KLHL1: variants seen among roughly 807,000 people sequenced by gnomAD.
The protein encoded by KLHL1 is kelch like family member 1.
KLHL1 carries 47 observed loss-of-function variants against 77.7 expected under a neutral mutation model. The observed-to-expected ratio is 0.60, with a 90% confidence interval of 0.48 to 0.77. KLHL1 has a LOEUF of 0.77. Among genes scored for constraint, KLHL1 ranks in the 30% least tolerant of loss-of-function variants. KLHL1 has a pLI of 0.00. For missense variants in KLHL1, 925 were observed against 910.8 expected (o/e 1.02, Z -0.20); for synonymous variants, 360 against 325.2 (o/e 1.11, Z -1.15).
At chr13:70,099,692 T>G (rs989371871) in intron 1 of KLHL1, among the ~76,000 whole-genome samples, 1 of 152,030 alleles carries the variant, frequency 6.6e-6, no homozygotes, top group Non-Finnish European at 1.5e-5. Flanking sequence ...AATAAGCTTT[T>G]TGTCCCATAA....
intron 8 of KLHL1, among the ~76,000 whole-genome samples, chr13:69,721,079 A>ATATATATATATATATATATATATAC (rs1555300737): frequency 8.9e-5 from 6 of 67,630 alleles, no homozygotes; most frequent in Admixed American, 3.3e-4. Context: ...ATATATATAT[A>ATATATATATATATATATATATATAC]AAGCTATGTA....
chr13:69,847,420 A>G (rs76512077), intron 5 of KLHL1, among the ~76,000 whole-genome samples: 2 of 149,400 alleles, frequency 1.3e-5, no homozygotes, highest in Admixed American at 6.8e-5. Flanking sequence ...AAAAAAAAAA[A>G]AAAAAAACAT....
At chr13:69,756,556 C>G (rs1325749180) in intron 7 of KLHL1, among the ~76,000 whole-genome samples, 1 of 152,000 alleles carries the variant, frequency 6.6e-6, no homozygotes, top group Non-Finnish European at 1.5e-5. Context: ...GTAATAATCA[C>G]TAAATTCAGA....
chr13:70,052,528 G>A (rs763772778), intron 1 of KLHL1, among the ~76,000 whole-genome samples: 2 of 151,534 alleles, frequency 1.3e-5, no homozygotes, highest in African/African-American at 2.4e-5. Context: ...TAATTCTGAA[G>A]ACATTACTTA....
intron 1 of KLHL1, among the ~76,000 whole-genome samples, chr13:70,005,978 A>C (rs982221385): frequency 1.3e-5 from 2 of 151,946 alleles, no homozygotes; most frequent in African/African-American, 4.8e-5. Flanking sequence ...TTGCCTTCCT[A>C]AAACTTTACT....
intron 1 of KLHL1, among the ~76,000 whole-genome samples, chr13:70,043,500 C>T (rs560758039): frequency 3.2e-4 from 49 of 152,256 alleles, no homozygotes; most frequent in Non-Finnish European, 6.2e-4. Flanking sequence ...CCTTCACATT[C>T]GCTCACTACT....
At chr13:69,762,023 AT>A (rs937117671) in intron 7 of KLHL1, among the ~76,000 whole-genome samples, 3 of 152,202 alleles carry the variant, frequency 2.0e-5, no homozygotes, top group Non-Finnish European at 2.9e-5. Flanking sequence ...ATTTCATTCA[AT>A]TACCATTTCT....
At chr13:70,045,702 A>AT (rs1244080323) in intron 1 of KLHL1, among the ~76,000 whole-genome samples, 1 of 152,138 alleles carries the variant, frequency 6.6e-6, no homozygotes, top group East Asian at 1.9e-4. Context: ...TTAAAGAAAT[A>AT]TTTTTTTCCT....
chr13:69,975,240 C>A (rs1884509224), intron 2 of KLHL1, among the ~76,000 whole-genome samples: 1 of 151,956 alleles, frequency 6.6e-6, no homozygotes, highest in African/African-American at 2.4e-5. Context: ...GATGGAATAG[C>A]ATATTTCATT....
chr13:69,979,665 T>G (rs1046040153), intron 1 of KLHL1, among the ~76,000 whole-genome samples: 3 of 152,148 alleles, frequency 2.0e-5, no homozygotes, highest in Non-Finnish European at 2.9e-5. Context: ...AAGAGTCCCT[T>G]ATACAATGAT....
chr13:69,796,104 G>A (rs924058064), intron 7 of KLHL1, among the ~76,000 whole-genome samples: 15 of 152,148 alleles, frequency 9.9e-5, no homozygotes, highest in African/African-American at 3.1e-4. Flanking sequence ...CTTTGTGGAT[G>A]GCTTGGAGTC....
At chr13:70,029,142 G>T (rs892901449) in intron 1 of KLHL1, among the ~76,000 whole-genome samples, 4 of 152,054 alleles carry the variant, frequency 2.6e-5, no homozygotes, top group African/African-American at 9.7e-5. Flanking sequence ...TGTGTTTGTG[G>T]TTGGGGGACT....
At chr13:70,095,889 C>A (rs1211239148) in intron 1 of KLHL1, among the ~76,000 whole-genome samples, 1 of 151,884 alleles carries the variant, frequency 6.6e-6, no homozygotes, top group South Asian at 2.1e-4. Context: ...ATTATACACT[C>A]TATCTCCATG....
chr13:69,921,988 G>A (rs1158099045), intron 4 of KLHL1, among the ~76,000 whole-genome samples: 1 of 150,286 alleles, frequency 6.7e-6, no homozygotes, highest in Admixed American at 6.6e-5. Flanking sequence ...GAGTGCAGTG[G>A]TGCAATCATA....
chr13:69,742,331 A>C (rs1874021010), intron 7 of KLHL1, among the ~76,000 whole-genome samples: 1 of 152,206 alleles, frequency 6.6e-6, no homozygotes, highest in Admixed American at 6.5e-5. Flanking sequence ...CTGTTAAAAT[A>C]ACCTCCTTTT....
At chr13:69,816,241 T>C (rs1233554447) in intron 6 of KLHL1, among the ~76,000 whole-genome samples, 1 of 151,722 alleles carries the variant, frequency 6.6e-6, no homozygotes, top group Non-Finnish European at 1.5e-5. Flanking sequence ...TATAGTAAAT[T>C]TAGAGAATGG....
chr13:69,738,062 C>T lies in KLHL1; in HGVS notation c.1802+2332G>A, dbSNP rs564396281. Among the ~76,000 whole-genome samples the T allele has an allele frequency of 3.3e-5, 5 of 152,224 alleles. No homozygotes were observed. The East Asian group carries it at 7.7e-4, about 24-fold the overall frequency. On this transcript the variant is annotated intron_variant, in intron 8 of 10. Coordinates refer to ENST00000377844, the MANE Select transcript of KLHL1 (RefSeq NM_020866.3). ...CAAGCTGCCATCTTTGCTAGTCTGC[C>T]GCCTCCAATGATGGTATCTCCAGGG...
chr13:69,736,991 A>G lies in KLHL1; in HGVS notation c.1802+3403T>C, dbSNP rs75116532. ...TTCTGCATCTTCAATTGAGGTACCAATTTTCTCTTATTAGGACTGACTAGG... is the reference window on the plus strand; with the variant it reads ...TTCTGCATCTTCAATTGAGGTACCAGTTTTCTCTTATTAGGACTGACTAGG... On this transcript the variant is annotated intron_variant, in intron 8 of 10. Coordinates refer to ENST00000377844, the MANE Select transcript of KLHL1 (RefSeq NM_020866.3). Among the ~76,000 whole-genome samples, 179 of 152,132 alleles carry G rather than the reference A, an allele frequency of 1.2e-3. 5 individuals carry two copies. In the East Asian group the frequency reaches 0.03, roughly 26 times the overall value.
chr13:69,895,919 G>A (rs1881620917), intron 4 of KLHL1, among the ~76,000 whole-genome samples: 1 of 151,902 alleles, frequency 6.6e-6, no homozygotes, highest in African/African-American at 2.4e-5. Flanking sequence ...GGTTAATCAG[G>A]CTGCTCTTGA....
Sources: allele counts gnomAD v4.1 joint callset (sites outside exome capture counted in the v4.1 genomes callset), GRCh38; gene constraint gnomAD v4.1.1; transcripts MANE v1.5; gene names NCBI Gene and HGNC (gene_info 2026-07-23, HGNC 2026-07-21).